The following NLGN1 variants were observed in gnomAD, a reference collection of about 807,000 sequenced individuals.
NLGN1 encodes neuroligin-1.
In NLGN1, 12 loss-of-function variants were observed where a neutral mutation model predicts 65.5. The observed-to-expected ratio is 0.18, with a 90% CI of 0.12 to 0.30. NLGN1 has a LOEUF of 0.30. NLGN1 is among the 10% of genes least tolerant of loss of function. The pLI, the probability that NLGN1 is intolerant of heterozygous loss-of-function variation, is 1.00. For missense variants in NLGN1, 750 were observed against 1,007.1 expected, an observed-to-expected ratio of 0.74 and a Z score of 3.46; for synonymous variants, 350 against 359.5, an observed-to-expected ratio of 0.97 and a Z score of 0.30.
chr3:174,124,728 G>T (rs75530366), intron 4 of NLGN1, among the ~76,000 whole-genome samples: 19,890 of 149,392 alleles, frequency 0.13, 1,530 homozygotes, highest in African/African-American at 0.21. Flanking sequence ...ATACGTATAT[G>T]TGTATATACA....
At chr3:173,435,237 T>C (rs1041515137) in intron 2 of NLGN1, among the ~76,000 whole-genome samples, 1 of 152,216 alleles carries the variant, frequency 6.6e-6, no homozygotes, top group African/African-American at 2.4e-5. Flanking sequence ...ACAATTTTAA[T>C]ACTTTTAGCC....
chr3:174,104,208 T>C (rs186749749), intron 4 of NLGN1, among the ~76,000 whole-genome samples: 1 of 152,248 alleles, frequency 6.6e-6, no homozygotes, highest in Non-Finnish European at 1.5e-5. Context: ...CCATGTCCTA[T>C]GGCTTGGCTA....
intron 3 of NLGN1, among the ~76,000 whole-genome samples, chr3:173,646,383 T>A (rs1758280099): frequency 6.6e-6 from 1 of 152,204 alleles, no homozygotes; most frequent in African/African-American, 2.4e-5. Context: ...AATTAAGAGT[T>A]CACCACTTTC....
At chr3:173,444,986 C>T (rs543450899) in intron 2 of NLGN1, among the ~76,000 whole-genome samples, 1 of 151,022 alleles carries the variant, frequency 6.6e-6, no homozygotes, top group East Asian at 1.9e-4. Context: ...AAGGACTTGG[C>T]CGGGCGCGGT....
chr3:173,789,323 G>A (rs1359061434), intron 3 of NLGN1, among the ~76,000 whole-genome samples: 1 of 152,154 alleles, frequency 6.6e-6, no homozygotes, highest in East Asian at 1.9e-4. Flanking sequence ...TACAAATACA[G>A]CCAGTCCTTT....
intron 4 of NLGN1, among the ~76,000 whole-genome samples, chr3:174,265,382 G>A (rs1184548254): frequency 6.6e-6 from 1 of 152,136 alleles, no homozygotes; most frequent in Non-Finnish European, 1.5e-5. Flanking sequence ...TAATCTTGTG[G>A]TGCGCCGTTT....
intron 4 of NLGN1, among the ~76,000 whole-genome samples, chr3:174,073,206 G>C (rs1416022746): frequency 6.6e-6 from 1 of 151,254 alleles, no homozygotes; most frequent in African/African-American, 2.4e-5. Context: ...TTCAAGTGAA[G>C]AAACAGAATG....
chr3:174,115,121 T>TTAA (rs1460606994), intron 4 of NLGN1, among the ~76,000 whole-genome samples: 1 of 152,122 alleles, frequency 6.6e-6, no homozygotes, highest in African/African-American at 2.4e-5. Context: ...ATATTTTGAT[T>TTAA]TTTGTACTTT....
chr3:173,703,547 C>A (rs1237509779), intron 3 of NLGN1, among the ~76,000 whole-genome samples: 1 of 152,076 alleles, frequency 6.6e-6, no homozygotes, highest in African/African-American at 2.4e-5. Context: ...ACATAAGTAT[C>A]AGTAAATATT....
chr3:174,148,370 A>ACTC (rs1381524538), intron 4 of NLGN1, among the ~76,000 whole-genome samples: 1 of 152,146 alleles, frequency 6.6e-6, no homozygotes, highest in Non-Finnish European at 1.5e-5. Flanking sequence ...AGTAATTACA[A>ACTC]CTCTATGGTA....
chr3:173,586,792 C>G (rs1747530269), intron 2 of NLGN1, among the ~76,000 whole-genome samples: 1 of 152,088 alleles, frequency 6.6e-6, no homozygotes, highest in Admixed American at 6.6e-5. Flanking sequence ...TCTCTTTTTA[C>G]TCTGCTATAA....
intron 4 of NLGN1, among the ~76,000 whole-genome samples, chr3:174,033,737 C>T (rs1028711830): frequency 2.6e-5 from 4 of 151,988 alleles, no homozygotes; most frequent in South Asian, 2.1e-4. Flanking sequence ...GAAGATAGGA[C>T]AACGGAAACT....
chr3:174,044,494 CA>C (rs1459521726), intron 4 of NLGN1, among the ~76,000 whole-genome samples: 1 of 152,148 alleles, frequency 6.6e-6, no homozygotes, highest in African/African-American at 2.4e-5. Context: ...ATCTCTAGGG[CA>C]GGGGCAAAAT....
intron 4 of NLGN1, among the ~76,000 whole-genome samples, chr3:174,059,529 G>T (rs1232477230): frequency 1.3e-5 from 2 of 152,102 alleles, no homozygotes; most frequent in Non-Finnish European, 2.9e-5. Context: ...CAAATAGTAT[G>T]CTAAGCTAAA....
In NLGN1 at chr3:173,964,230, G is replaced by T. The variant is rs192127502; in HGVS notation, c.646+156398G>T. Among the ~76,000 whole-genome samples the T allele has an allele frequency of 6.3e-4, 96 of 152,290 alleles. 2 individuals are homozygous for T. The highest frequency in any genetic ancestry group is 2.2e-3 in the African/African-American group (93 of 41,564). ...GCATAAATCTCAACAAGATGTCCTG[G>T]AAGGGCTGCCACAGATGATAGTGCA... On this transcript the variant is annotated intron_variant, in intron 4 of 6. Transcript: ENST00000457714.
At chr3:174,139,220 A>T (rs373162313) in intron 4 of NLGN1, among the ~76,000 whole-genome samples, 4 of 152,240 alleles carry the variant, frequency 2.6e-5, no homozygotes, top group African/African-American at 9.6e-5. Flanking sequence ...CCATTGTAGT[A>T]TCATACAGAA....
rs543577474 is a variant in NLGN1, at chr3:173,759,030, A to G, written c.494-48650A>G. 2.0e-5 allele frequency among the ~76,000 whole-genome samples: 3 copies of G among 151,830 alleles called. No homozygotes were observed. The East Asian group carries it at 5.8e-4, about 29-fold the overall frequency. On this transcript the variant is annotated intron_variant, in intron 3 of 6. Coordinates refer to ENST00000457714, the Ensembl canonical transcript of NLGN1. ...TACTTGCATGACGTTCAGCCTATAC[A>G]TAGTAAGCATTATTTTTCTTCTACA...
chr3:173,468,465 T>C (rs1724749852), intron 2 of NLGN1, among the ~76,000 whole-genome samples: 1 of 152,098 alleles, frequency 6.6e-6, no homozygotes, highest in Admixed American at 6.6e-5. Context: ...ACTGCCTTAC[T>C]CTCTGGCCCA....
At chr3:173,795,243 A>G (rs957320783) in intron 3 of NLGN1, among the ~76,000 whole-genome samples, 3 of 152,136 alleles carry the variant, frequency 2.0e-5, no homozygotes, top group African/African-American at 7.2e-5. Flanking sequence ...TAAATAATCA[A>G]GTGTTCCAAA....
Sources: gnomAD v4.1 joint callset for allele counts (sites outside exome capture counted in the v4.1 genomes callset) on GRCh38, gnomAD v4.1.1 for gene constraint, MANE v1.5 for transcripts, NCBI Gene and HGNC (gene_info 2026-07-23, HGNC 2026-07-21) for gene names.